Variants in CRTC1 observed in about 807,000 individuals in gnomAD.
CRTC1 encodes the protein CREB regulated transcription coactivator 1.
In CRTC1, 18 loss-of-function variants were observed where a neutral mutation model predicts 66.1. That is an observed-to-expected ratio of 0.27 (90% confidence interval 0.19 to 0.40). The LOEUF (loss-of-function observed/expected upper bound fraction) is 0.40. Ranked by LOEUF, CRTC1 falls within the 10% of genes least tolerant of loss-of-function variation. The pLI, the probability that CRTC1 is intolerant of heterozygous loss-of-function variation, is 1.00. For missense variants in CRTC1, 669 were observed against 887.9 expected (o/e 0.75, Z 3.13); for synonymous variants, 416 against 398.8 (o/e 1.04, Z -0.51).
chr19:18,735,219 C>A (rs1236643054), intron 1 of CRTC1, among the ~76,000 whole-genome samples: 1 of 152,204 alleles, frequency 6.6e-6, no homozygotes, highest in African/African-American at 2.4e-5. Context: ...GGGTACCTGT[C>A]AGAGACTTGG....
At chr19:18,699,848 G>A (rs1364197002) in intron 1 of CRTC1, among the ~76,000 whole-genome samples, 1 of 152,164 alleles carries the variant, frequency 6.6e-6, no homozygotes, top group African/African-American at 2.4e-5. Context: ...GCTGCCATGT[G>A]GGGACAGGCC....
chr19:18,749,702 CG>C, intron 4 of CRTC1, 78 bp from the exon 5 acceptor site: 1 of 1,173,056 alleles, frequency 8.5e-7, no homozygotes, highest in Non-Finnish European at 1.3e-6. Flanking sequence ...GTCCATCCAG[CG>C]TGTCCCAGCT....
chr19:18,728,319 T>G (rs1468177721), intron 1 of CRTC1, among the ~76,000 whole-genome samples: 1 of 152,146 alleles, frequency 6.6e-6, no homozygotes. Flanking sequence ...ATTTGAAACT[T>G]TATTTCCAGG....
At chr19:18,764,127 C>G in intron 8 of CRTC1, among the ~76,000 whole-genome samples, 1 of 152,206 alleles carries the variant, frequency 6.6e-6, no homozygotes, top group East Asian at 1.9e-4. Flanking sequence ...GAGCAGCTGC[C>G]CTGGGCACGG....
rs772087970 is a variant in CRTC1, at chr19:18,768,749, C to G, written c.1276C>G (p.Pro426Ala). Residue 426 changes from proline (P) to alanine (A), a missense_variant, in exon 10 of 14, where the codon CCA (proline) becomes GCA (alanine). Pro to Ala is a conservative substitution (Grantham distance 27, BLOSUM62 -1). Coordinates refer to ENST00000321949, the MANE Select transcript of CRTC1 (RefSeq NM_015321.3). This position sits in a 1 kb window ranked among gnomAD's most constrained non-coding sequence, Gnocchi z 5.6. ...TVPSSLPQSP[P>A]ENPGQPSMGI... Reference sequence around the variant, plus strand: ...ACCGTCCTCTCTCCCCCAGTCCCCCCCAGAGAACCCTGGCCAGCCATCGAT... The same window carrying G: ...ACCGTCCTCTCTCCCCCAGTCCCCCGCAGAGAACCCTGGCCAGCCATCGAT... 17 of 1,601,988 alleles carry G rather than the reference C, an allele frequency of 1.1e-5. No individual in the cohort carries two copies. Among genetic ancestry groups the G allele is most frequent in the Non-Finnish European group, 1.4e-5 (16 of 1,175,590 alleles).
intron 1 of CRTC1, among the ~76,000 whole-genome samples, chr19:18,688,886 C>G (rs1000985647): frequency 7.9e-5 from 12 of 152,152 alleles, no homozygotes; most frequent in African/African-American, 2.9e-4. Context: ...TCCCCATCAA[C>G]AGTTACTTCC....
At chr19:18,725,723 T>G (rs2053735661) in intron 1 of CRTC1, among the ~76,000 whole-genome samples, 1 of 152,216 alleles carries the variant, frequency 6.6e-6, no homozygotes, top group Non-Finnish European at 1.5e-5. Context: ...TCTCCTCTTC[T>G]GAGTCTAATT....
chr19:18,749,825 C>G lies in CRTC1; in HGVS notation c.488C>G (p.Thr163Arg), dbSNP rs547678296. 1.9e-6 allele frequency: 3 copies of G among 1,614,096 alleles called. No homozygotes were observed. In the East Asian group the frequency reaches 6.7e-5, roughly 36 times the overall value. The change falls in exon 5 of 14, where the codon ACG becomes AGG. Residue 163 changes from threonine to arginine, a missense_variant. Physicochemically the swap from Thr to Arg is moderately conservative, Grantham distance 71. This residue lies in a region of CRTC1 where 214 missense variants were observed against 323.4 expected (regional missense o/e 0.66). Transcript: ENST00000321949. Reference protein sequence around the residue: ...SALHQSTMTPTQPESFSSGSQ... With the variant: ...SALHQSTMTPRQPESFSSGSQ... ...CTGCACCAGAGCACAATGACGCCCA[C>G]GCAGCCAGAATCCTTTAGCAGTGGG...
intron 8 of CRTC1, among the ~76,000 whole-genome samples, chr19:18,762,420 C>T (rs1164185383): frequency 2.6e-5 from 4 of 152,198 alleles, no homozygotes; most frequent in Non-Finnish European, 5.9e-5. Flanking sequence ...GCCGAGCTGC[C>T]GGCCCCTGGC....
rs901167457 is a variant in CRTC1, at chr19:18,760,832, T to C, written c.886+604T>C. Among the ~76,000 whole-genome samples, 19 of 151,814 alleles carry C rather than the reference T, an allele frequency of 1.3e-4. No individual in the cohort carries two copies. The highest frequency in any genetic ancestry group is 4.6e-4 in the African/African-American group (19 of 41,298). On this transcript the variant is annotated intron_variant, in intron 8 of 13. Transcript: ENST00000321949. The surrounding 1 kb of genome is among the most constrained non-coding windows in gnomAD (Gnocchi z 6.2). Reference sequence around the variant, plus strand: ...GGTGTCCCCCAACTCCTCTGTCCTTTCCCAGACATGGACCTGACCCATTGT... The same window carrying C: ...GGTGTCCCCCAACTCCTCTGTCCTTCCCCAGACATGGACCTGACCCATTGT...
Position 18,777,505 on chromosome 19 carries a change from C to T in CRTC1, c.*123C>T, listed in dbSNP as rs749330114. On this transcript the variant is annotated 3_prime_UTR_variant, in exon 14 of 14. Transcript: ENST00000321949. The surrounding 1 kb of genome is among the most constrained non-coding windows in gnomAD (Gnocchi z 5.5). ...ATTCTGAGCTTGCAATGCCGCCAAG[C>T]GCCCCCCGCCAGCCCGCCCCCGGTT... 3.5e-5 allele frequency: 33 copies of T among 930,160 alleles called. 1 individual carries two copies. Among genetic ancestry groups the T allele is most frequent in the South Asian group, 5.7e-5 (4 of 69,762 alleles). 57.6% of individuals were successfully genotyped at this position (930,160 alleles called of 1,614,324 possible). A position where few individuals can be genotyped will look rare whatever the true frequency, so the allele number is the denominator to read the frequency against.
Position 18,777,464 on chromosome 19 carries a change from AACGGCCG to A in CRTC1, c.*84_*90del. ...GGACGGCCGTGCTCCGTCCCTCGCC[AACGGCCG>A]AGCTTGTGATTCTGAGCTTGCAATG... On this transcript the variant is annotated 3_prime_UTR_variant, in exon 14 of 14. Transcript: ENST00000321949. The surrounding 1 kb of genome is among the most constrained non-coding windows in gnomAD (Gnocchi z 5.5). The A allele has an allele frequency of 7.7e-7, 1 of 1,294,382 alleles. No homozygotes were observed. 80.2% of individuals were successfully genotyped at this position (1,294,382 alleles called of 1,614,324 possible).
At chr19:18,774,237 T>C (rs1392826290) in intron 11 of CRTC1, among the ~76,000 whole-genome samples, 2 of 152,140 alleles carry the variant, frequency 1.3e-5, no homozygotes, top group East Asian at 3.9e-4. Context: ...GAGTGTCTCC[T>C]TTCTAGCGTC....
intron 1 of CRTC1, among the ~76,000 whole-genome samples, chr19:18,720,419 G>A (rs1333653820): frequency 6.6e-6 from 1 of 151,704 alleles, no homozygotes; most frequent in African/African-American, 2.4e-5. Context: ...GCATGATCTC[G>A]GCTCACTGCA....
chr19:18,757,104 C>T lies in CRTC1; in HGVS notation c.625-2447C>T, dbSNP rs115951054. On this transcript the variant is annotated intron_variant, in intron 6 of 13. Transcript: ENST00000321949. ...CAGCCCCACCCTCTGCCAGCATGTTCGCCTTTTTCATCTGATAATCCTGAA... is the reference window on the plus strand; with the variant it reads ...CAGCCCCACCCTCTGCCAGCATGTTTGCCTTTTTCATCTGATAATCCTGAA... Among the ~76,000 whole-genome samples the T allele has an allele frequency of 6.6e-3, 1,006 of 152,246 alleles. 9 individuals are homozygous for T. Among genetic ancestry groups the T allele is most frequent in the African/African-American group, 0.023 (951 of 41,542 alleles).
chr19:18,782,170 C>T lies in CRTC1; in HGVS notation c.*4788C>T, dbSNP rs1030528839. The T allele has an allele frequency of 1.7e-5, 4 of 228,802 alleles. No homozygotes were observed. Among genetic ancestry groups the T allele is most frequent in the East Asian group, 6.3e-5 (1 of 15,842 alleles). The allele number at this position is 228,802 out of a possible 1,614,324, so 14.2% of individuals were successfully genotyped here. A position where few individuals can be genotyped will look rare whatever the true frequency, so the allele number is the denominator to read the frequency against. ...CAACCCTAGCATGTATACTCTGCCA[C>T]GGACGTCCCGTGGGCCATGATTGTG... On this transcript the variant is annotated 3_prime_UTR_variant, in exon 14 of 14. Coordinates refer to ENST00000321949, the MANE Select transcript of CRTC1 (RefSeq NM_015321.3).
chr19:18,689,962 A>C (rs990963578), intron 1 of CRTC1, among the ~76,000 whole-genome samples: 1 of 151,716 alleles, frequency 6.6e-6, no homozygotes, highest in African/African-American at 2.4e-5. Context: ...TGGTGTGAGC[A>C]TCCGCTGCAG....
At chr19:18,725,259 C>A (rs1163460441) in intron 1 of CRTC1, among the ~76,000 whole-genome samples, 1 of 152,194 alleles carries the variant, frequency 6.6e-6, no homozygotes, top group African/African-American at 2.4e-5. Flanking sequence ...CTCTGCACCT[C>A]CAGCCCCTTC....
chr19:18,765,271 G>T, intron 8 of CRTC1, 133 bp from the exon 9 acceptor site: 2 of 1,348,922 alleles, frequency 1.5e-6, no homozygotes, highest in East Asian at 2.6e-5. Context: ...AGGTTTGGCA[G>T]TTGGGACATG....
Sources: allele counts gnomAD v4.1 joint callset (sites outside exome capture counted in the v4.1 genomes callset), GRCh38; gene constraint gnomAD v4.1.1; regional missense constraint gnomAD v4.1.1; non-coding constraint Gnocchi (gnomAD v3.1); transcripts MANE v1.5; gene names NCBI Gene and HGNC (gene_info 2026-07-23, HGNC 2026-07-21).